PLAGL1: variants seen among roughly 807,000 people sequenced by gnomAD.
PLAGL1 encodes zinc finger protein PLAGL1.
A neutral mutation model predicts 4.6 loss-of-function variants in PLAGL1; 1 was observed. The ratio of observed to expected loss-of-function variants is 0.22; its 90% CI spans 0.08 to 1.03. The LOEUF (loss-of-function observed/expected upper bound fraction) is 1.03, where lower values mean the gene tolerates loss of function less well. Among genes scored for constraint, PLAGL1 ranks in the 50% least tolerant of loss-of-function variants. The pLI is 0.58. For missense variants in PLAGL1, 464 were observed against 570.4 expected, an observed-to-expected ratio of 0.81 and a Z score of 1.90; for synonymous variants, 240 against 237.8, an observed-to-expected ratio of 1.01 and a Z score of -0.08.
In PLAGL1 at chr6:143,942,555, G is replaced by A. The variant is rs760031131; in HGVS notation, c.261C>T (p.Asn87=). The part of the protein sequence containing the change: ...LKNHLQTHDP[N]KMAFGCEECG... ...ACTCCTCACACCCAAAGGCCATTTT[G>A]TTGGGGTCGTGGGTCTGGAGGTGGT... Residue 87 remains asparagine (N), a synonymous_variant, in exon 8 of 8, where the codon AAC becomes AAT. Transcript: ENST00000674357. The surrounding 1 kb of genome is among the most constrained non-coding windows in gnomAD (Gnocchi z 7.6). 2.5e-6 allele frequency: 4 copies of A among 1,614,152 alleles called. No individual in the cohort carries two copies. The highest frequency in any genetic ancestry group is 2.5e-6 in the Non-Finnish European group (3 of 1,180,026).
Position 144,055,098 on chromosome 6 carries a change from T to G in PLAGL1, c.-151+9370A>C, listed in dbSNP as rs1798870148. On this transcript the variant is annotated intron_variant, in intron 1 of 3. Transcript: ENST00000437412. This position sits in a 1 kb window ranked among gnomAD's most constrained non-coding sequence, Gnocchi z 5.0. ...AGCTCAAAAAAATAGAACTTTCTAT[T>G]GAAAAACACCCTTTACATATAGTAG... Among the ~76,000 whole-genome samples, 2 of 152,106 alleles carry G rather than the reference T, an allele frequency of 1.3e-5. No homozygotes were observed. Among genetic ancestry groups the G allele is most frequent in the Admixed American group, 1.3e-4 (2 of 15,244 alleles).
At chr6:143,956,380 C>A (rs182379722) in intron 6 of PLAGL1, among the ~76,000 whole-genome samples, 272 of 152,290 alleles carry the variant, frequency 1.8e-3, no homozygotes, top group Non-Finnish European at 2.7e-3. Flanking sequence ...ACAGAAGCAG[C>A]CTTCTGCCTC....
rs758554625 is a variant in PLAGL1, at chr6:144,053,470, A to AT, written c.-151+10997dup. 4.6e-5 allele frequency among the ~76,000 whole-genome samples: 7 copies of AT among 152,198 alleles called. No homozygotes were observed. Among genetic ancestry groups the AT allele is most frequent in the Non-Finnish European group, 1.0e-4 (7 of 68,030 alleles). On this transcript the variant is annotated intron_variant, in intron 1 of 3. Coordinates refer to the PLAGL1 transcript ENST00000437412. The surrounding 1 kb of genome is among the most constrained non-coding windows in gnomAD (Gnocchi z 4.0). ...TAATTCTTGAGTAGTTCATTCAAGTATAACATCTTGCTACCACCTATGAGG... is the reference window on the plus strand; with the variant it reads ...TAATTCTTGAGTAGTTCATTCAAGTATTAACATCTTGCTACCACCTATGAGG...
intron 1 of PLAGL1, among the ~76,000 whole-genome samples, chr6:144,018,244 G>A (rs1167481261): frequency 4.6e-5 from 7 of 152,156 alleles, no homozygotes; most frequent in African/African-American, 1.7e-4. Flanking sequence ...GCATGAGCCT[G>A]GAGGACATTA....
In PLAGL1 at chr6:144,027,651, T is replaced by C. The variant is rs1012595672; in HGVS notation, c.-151+36817A>G. Among the ~76,000 whole-genome samples the C allele has an allele frequency of 1.3e-5, 2 of 152,210 alleles. No homozygotes were observed. Among genetic ancestry groups the C allele is most frequent in the African/African-American group, 2.4e-5 (1 of 41,438 alleles). On this transcript the variant is annotated intron_variant, in intron 1 of 3. Coordinates refer to the PLAGL1 transcript ENST00000437412. The surrounding 1 kb of genome is among the most constrained non-coding windows in gnomAD (Gnocchi z 5.8). ...TACAGTGCTTTGATTTACACAAATA[T>C]AACCTCTTGCTCCAACAGATGAAAG...
chr6:143,946,158 A>C (rs2128514227), intron 7 of PLAGL1, among the ~76,000 whole-genome samples: 1 of 152,360 alleles, frequency 6.6e-6, no homozygotes, highest in South Asian at 2.1e-4. Flanking sequence ...CACAGGTTTC[A>C]CACCCTGCAA....
rs1203989536 is a variant in PLAGL1 at position 143,983,436 on chromosome 6, G to T, written c.-544+1699C>A. Among the ~76,000 whole-genome samples, 1 of 152,146 alleles carries T rather than the reference G, an allele frequency of 6.6e-6. No homozygotes were observed. Among genetic ancestry groups the T allele is most frequent in the Non-Finnish European group, 1.5e-5 (1 of 68,012 alleles). On this transcript the variant is annotated intron_variant, in intron 2 of 7. Transcript: ENST00000674357. This position sits in a 1 kb window ranked among gnomAD's most constrained non-coding sequence, Gnocchi z 6.6. ...AGGTGGGAATGCATGATGCAGGAGA[G>T]AGAAGGGACAACTACTGTAGCTATA...
intron 1 of PLAGL1, among the ~76,000 whole-genome samples, chr6:144,041,236 GGTTT>G (rs755254416): frequency 2.0e-5 from 3 of 152,018 alleles, no homozygotes; most frequent in Non-Finnish European, 2.9e-5. Context: ...ACAACATGCA[GGTTT>G]GTTACATATG....
At chr6:144,054,869 T>C (rs1798856092) in intron 1 of PLAGL1, among the ~76,000 whole-genome samples, 1 of 151,780 alleles carries the variant, frequency 6.6e-6, no homozygotes, top group East Asian at 1.9e-4. Flanking sequence ...AAAGTATTTC[T>C]AGCAAAATTA....
Position 144,050,873 on chromosome 6 carries a change from G to C in PLAGL1, c.-151+13595C>G, listed in dbSNP as rs1304316656. On this transcript the variant is annotated intron_variant, in intron 1 of 3. Transcript: ENST00000437412. The surrounding 1 kb of genome is among the most constrained non-coding windows in gnomAD (Gnocchi z 4.3). ...AATTGTGCCACCACACTCCAACCTAGGTGACAAAGCAAGACCCTGTCTCAA... is the reference window on the plus strand; with the variant it reads ...AATTGTGCCACCACACTCCAACCTACGTGACAAAGCAAGACCCTGTCTCAA... Among the ~76,000 whole-genome samples the C allele has an allele frequency of 6.6e-6, 1 of 152,134 alleles. No homozygotes were observed. Among genetic ancestry groups the C allele is most frequent in the Non-Finnish European group, 1.5e-5 (1 of 68,018 alleles).
chr6:143,979,544 C>T lies in PLAGL1; in HGVS notation c.-544+5591G>A, dbSNP rs1289418803. Among the ~76,000 whole-genome samples the T allele has an allele frequency of 6.6e-6, 1 of 151,986 alleles. No individual in the cohort carries two copies. Among genetic ancestry groups the T allele is most frequent in the Non-Finnish European group, 1.5e-5 (1 of 67,940 alleles). On this transcript the variant is annotated intron_variant, in intron 2 of 7. Coordinates refer to ENST00000674357, the MANE Select transcript of PLAGL1 (RefSeq NM_001317162.2). This position sits in a 1 kb window ranked among gnomAD's most constrained non-coding sequence, Gnocchi z 4.6. ...AGTTTATAGTTATATCTTTAACTTA[C>T]CATGGTGTACTTCCAAGGGATATAC...
At position 144,053,510 on chromosome 6, in the gene PLAGL1, C is replaced by T. The variant is rs1798731080; in HGVS notation, c.-151+10958G>A. ...CACCTATGAGGGATACAAAAGGTCC[C>T]AGTGCTTGCCATCTTAACATGATTT... On this transcript the variant is annotated intron_variant, in intron 1 of 3. Coordinates refer to the PLAGL1 transcript ENST00000437412. The surrounding 1 kb of genome is among the most constrained non-coding windows in gnomAD (Gnocchi z 4.0). Among the ~76,000 whole-genome samples the T allele has an allele frequency of 6.6e-6, 1 of 152,148 alleles. No individual in the cohort carries two copies. Among genetic ancestry groups the T allele is most frequent in the Admixed American group, 6.5e-5 (1 of 15,270 alleles).
chr6:144,003,169 T>G (rs1038152445), intron 1 of PLAGL1, among the ~76,000 whole-genome samples: 5 of 152,244 alleles, frequency 3.3e-5, no homozygotes, highest in East Asian at 1.9e-4. Flanking sequence ...AAGAAAGGTG[T>G]TGTTTTTTTC....
intron 6 of PLAGL1, among the ~76,000 whole-genome samples, chr6:143,951,418 C>T (rs1217561333): frequency 6.6e-6 from 1 of 152,212 alleles, no homozygotes; most frequent in Non-Finnish European, 1.5e-5. Context: ...GGACAACACA[C>T]GTGTAGAAAG....
At chr6:144,024,654 G>A (rs1796212501) in intron 1 of PLAGL1, among the ~76,000 whole-genome samples, 1 of 152,104 alleles carries the variant, frequency 6.6e-6, no homozygotes, top group South Asian at 2.1e-4. Flanking sequence ...AGCAGCATGA[G>A]AACAGACTAA....
upstream of PLAGL1, among the ~76,000 whole-genome samples, chr6:144,011,208 G>T (rs1795161976): frequency 6.6e-6 from 1 of 151,902 alleles, no homozygotes; most frequent in Non-Finnish European, 1.5e-5. The surrounding 1 kb of genome is among the most constrained non-coding windows in gnomAD (Gnocchi z 4.3). Flanking sequence ...TTATCCATCT[G>T]ACAAAGGGCT....
chr6:144,028,841 A>C (rs1459718966), intron 1 of PLAGL1, among the ~76,000 whole-genome samples: 1 of 152,236 alleles, frequency 6.6e-6, no homozygotes, highest in African/African-American at 2.4e-5. Flanking sequence ...TTATAAAAAT[A>C]CATGCTTGTT....
At chr6:144,020,058 C>T (rs1247418577) in intron 1 of PLAGL1, among the ~76,000 whole-genome samples, 1 of 152,130 alleles carries the variant, frequency 6.6e-6, no homozygotes, top group Non-Finnish European at 1.5e-5. Flanking sequence ...ATAGAGCCCT[C>T]ATGATGGGAT....
At chr6:144,052,715 C>T (rs1468967405) in intron 1 of PLAGL1, among the ~76,000 whole-genome samples, 1 of 152,002 alleles carries the variant, frequency 6.6e-6, no homozygotes, top group African/African-American at 2.4e-5. Flanking sequence ...TCTCTTTCCA[C>T]AACTACTAAA....
Sources: allele counts gnomAD v4.1 joint callset (sites outside exome capture counted in the v4.1 genomes callset), GRCh38; gene constraint gnomAD v4.1.1; non-coding constraint Gnocchi (gnomAD v3.1); transcripts MANE v1.5; gene names NCBI Gene and HGNC (gene_info 2026-07-23, HGNC 2026-07-21).